Variants in CTNNBL1 observed in about 807,000 individuals in gnomAD.
CTNNBL1 encodes catenin beta like 1.
CTNNBL1 carries 31 observed loss-of-function variants against 72.7 expected under a neutral mutation model. That is an observed-to-expected ratio of 0.43 (90% confidence interval 0.32 to 0.58). The LOEUF is 0.58. CTNNBL1 is among the 20% of genes least tolerant of loss of function. The probability of loss-of-function intolerance (pLI) is 0.08; values close to 1 mark genes in which losing one functional copy is unlikely to be tolerated. For synonymous variants in CTNNBL1, 240 were observed against 267.3 expected, an observed-to-expected ratio of 0.90 and a Z score of 1.00; for missense variants, 534 against 725.1, an observed-to-expected ratio of 0.74 and a Z score of 3.03.
chr20:37,797,758 T>G (rs2073790977), intron 10 of CTNNBL1, among the ~76,000 whole-genome samples: 1 of 152,172 alleles, frequency 6.6e-6, no homozygotes, highest in Non-Finnish European at 1.5e-5. Context: ...GCAAGCATAA[T>G]CTTTCTTATA....
Position 37,860,363 on chromosome 20 carries a change from A to C in CTNNBL1, c.1603+19A>C, listed in dbSNP as rs2072481543. 6.3e-7 allele frequency: 1 copy of C among 1,579,146 alleles called. No individual in the cohort carries two copies. Among genetic ancestry groups the C allele is most frequent in the East Asian group, 2.2e-5 (1 of 44,724 alleles). On this transcript the variant is annotated intron_variant, in intron 15 of 15. Transcript: ENST00000361383. ...ATCAAGGGTGAGTTGGATGCTACTC[A>C]TGTCTGGGGCTCCAGAGGATTAGAT...
chr20:37,702,937 A>T (rs1156636699), intron 1 of CTNNBL1, among the ~76,000 whole-genome samples: 1 of 152,110 alleles, frequency 6.6e-6, no homozygotes, highest in African/African-American at 2.4e-5. Flanking sequence ...CTCTTGTTCT[A>T]CTATCTTGTT....
intron 1 of CTNNBL1, chr20:37,727,247 A>T: frequency 1.6e-6 from 1 of 634,410 alleles, no homozygotes; most frequent in Non-Finnish European, 2.0e-6. Flanking sequence ...TTGCTTATTT[A>T]ATTTTTTTAA....
At chr20:37,838,106 C>T (rs778605456) in intron 11 of CTNNBL1, among the ~76,000 whole-genome samples, 34 of 152,132 alleles carry the variant, frequency 2.2e-4, no homozygotes, top group Admixed American at 2.6e-4. Context: ...GATAATCTGC[C>T]GCGGAACATT....
intron 13 of CTNNBL1, among the ~76,000 whole-genome samples, chr20:37,848,088 G>T (rs937038515): frequency 2.0e-5 from 3 of 151,768 alleles, no homozygotes; most frequent in African/African-American, 7.3e-5. Flanking sequence ...AGATTCTGGG[G>T]CAAGCTTTGA....
intron 11 of CTNNBL1, among the ~76,000 whole-genome samples, chr20:37,831,593 C>T (rs1398393132): frequency 6.6e-6 from 1 of 152,144 alleles, no homozygotes; most frequent in African/African-American, 2.4e-5. Context: ...GTCTCGATCT[C>T]CTAACCTTGT....
chr20:37,746,661 G>C, intron 4 of CTNNBL1, 54 bp downstream of exon 4: 1 of 1,599,170 alleles, frequency 6.3e-7, no homozygotes, highest in Middle Eastern at 1.7e-4. Flanking sequence ...GGGAAGTGCT[G>C]TTACTCTTTC....
chr20:37,842,565 G>A, intron 13 of CTNNBL1, 146 bp downstream of exon 13: 2 of 661,112 alleles, frequency 3.0e-6, no homozygotes, highest in Non-Finnish European at 5.6e-6. Context: ...GGTCTGCCAA[G>A]TGGTTACGAC....
intron 2 of CTNNBL1, among the ~76,000 whole-genome samples, chr20:37,736,059 T>G (rs2073168558): frequency 1.3e-5 from 2 of 152,230 alleles, no homozygotes; most frequent in East Asian, 3.8e-4. Context: ...TTTTATTTGC[T>G]TTCATAGGTA....
intron 1 of CTNNBL1, among the ~76,000 whole-genome samples, chr20:37,721,803 T>C (rs1417243568): frequency 6.6e-6 from 1 of 152,228 alleles, no homozygotes; most frequent in African/African-American, 2.4e-5. Context: ...TATTGTCCAG[T>C]GATCATTCTT....
chr20:37,845,562 G>A (rs1259558182), intron 13 of CTNNBL1, among the ~76,000 whole-genome samples: 5 of 152,168 alleles, frequency 3.3e-5, no homozygotes, highest in Admixed American at 1.3e-4. Context: ...TAGGGGTGAG[G>A]GATGCGTTTG....
At chr20:37,834,709 C>G (rs562688796) in intron 11 of CTNNBL1, among the ~76,000 whole-genome samples, 1 of 152,234 alleles carries the variant, frequency 6.6e-6, no homozygotes, top group South Asian at 2.1e-4. Context: ...TAAGATCCAG[C>G]CACCTACTCA....
chr20:37,795,135 A>ATT (rs1298565017), intron 10 of CTNNBL1, among the ~76,000 whole-genome samples: 44 of 132,918 alleles, frequency 3.3e-4, no homozygotes, highest in African/African-American at 6.9e-4. Flanking sequence ...TTCAGTTATA[A>ATT]TTTTTTTTTT....
At chr20:37,758,936 C>G (rs151316049) in intron 5 of CTNNBL1, among the ~76,000 whole-genome samples, 18 of 152,274 alleles carry the variant, frequency 1.2e-4, no homozygotes, top group African/African-American at 4.3e-4. Context: ...CCTCCTCACC[C>G]TTTCTCATAA....
intron 6 of CTNNBL1, among the ~76,000 whole-genome samples, chr20:37,766,486 A>G (rs948171923): frequency 6.6e-6 from 1 of 152,270 alleles, no homozygotes; most frequent in Non-Finnish European, 1.5e-5. Flanking sequence ...GTGAGTCTTG[A>G]AAAGAAAGGA....
chr20:37,843,123 A>G (rs1156439869), intron 13 of CTNNBL1, among the ~76,000 whole-genome samples: 2 of 152,164 alleles, frequency 1.3e-5, no homozygotes, highest in Non-Finnish European at 2.9e-5. Flanking sequence ...TAATCAGGGT[A>G]AGTTTTCCTA....
At chr20:37,862,387 T>C (rs983904352) in intron 15 of CTNNBL1, among the ~76,000 whole-genome samples, 7 of 152,208 alleles carry the variant, frequency 4.6e-5, no homozygotes, top group Admixed American at 6.5e-5. Flanking sequence ...AACAGTGATC[T>C]TCCAAGAAAG....
chr20:37,794,093 C>G (rs944852568), intron 10 of CTNNBL1, among the ~76,000 whole-genome samples: 2 of 152,190 alleles, frequency 1.3e-5, no homozygotes, highest in African/African-American at 4.8e-5. Context: ...GGTCAGTTAT[C>G]TTTTTAAAAG....
chr20:37,825,092 C>T (rs59891566), intron 11 of CTNNBL1, among the ~76,000 whole-genome samples: 58 of 152,306 alleles, frequency 3.8e-4, no homozygotes, highest in African/African-American at 1.4e-3. Flanking sequence ...GTGGCTCATG[C>T]CTATAATCCC....
Sources: gnomAD v4.1 joint callset for allele counts (sites outside exome capture counted in the v4.1 genomes callset) on GRCh38, gnomAD v4.1.1 for gene constraint, MANE v1.5 for transcripts, NCBI Gene and HGNC (gene_info 2026-07-23, HGNC 2026-07-21) for gene names.